Variants in CADPS2 observed in about 807,000 individuals in gnomAD.
CADPS2 encodes the protein calcium dependent secretion activator 2, also known as calcium-dependent secretion activator 2.
In CADPS2, 93 loss-of-function variants were observed where a neutral mutation model predicts 172.5. The ratio of observed to expected loss-of-function variants is 0.54; its 90% CI spans 0.46 to 0.64. The LOEUF (loss-of-function observed/expected upper bound fraction) is 0.64, where lower values mean the gene tolerates loss of function less well. Ranked by LOEUF, CADPS2 falls within the 30% of genes least tolerant of loss-of-function variation. The probability of loss-of-function intolerance (pLI) is 0.00; values close to 1 mark genes in which losing one functional copy is unlikely to be tolerated. For missense variants in CADPS2, 1,420 were observed against 1,565.9 expected (o/e 0.91, Z 1.57); for synonymous variants, 546 against 555.2 (o/e 0.98, Z 0.23).
intron 2 of CADPS2, among the ~76,000 whole-genome samples, chr7:122,675,500 T>G (rs1305851119): frequency 6.6e-6 from 1 of 152,230 alleles, no homozygotes; most frequent in Non-Finnish European, 1.5e-5. Context: ...TTTTAAAAAT[T>G]ATCCAGTCTA....
intron 1 of CADPS2, among the ~76,000 whole-genome samples, chr7:122,869,006 A>C (rs975009653): frequency 6.6e-6 from 1 of 152,162 alleles, no homozygotes; most frequent in African/African-American, 2.4e-5. Context: ...ATCGAATCTG[A>C]GGAGCTAAAT....
chr7:122,372,010 A>C (rs576474079), intron 25 of CADPS2, among the ~76,000 whole-genome samples: 2 of 152,290 alleles, frequency 1.3e-5, no homozygotes, highest in Non-Finnish European at 2.9e-5. Context: ...ATATCAACTA[A>C]TATTTAACAA....
At chr7:122,413,135 G>A (rs972377237) in intron 19 of CADPS2, 4 of 152,408 alleles carry the variant, frequency 2.6e-5, no homozygotes, top group African/African-American at 9.7e-5. Flanking sequence ...AATGGTGTGT[G>A]TGGAGGGGGG....
chr7:122,359,255 G>A lies in CADPS2; in HGVS notation c.3504+1533C>T, dbSNP rs142454421. Reference sequence around the variant, plus strand: ...TATCATGCAGAAGAGAGATTAGAACGAGGATTAATGGGTAAAATTCACAAA... The same window carrying A: ...TATCATGCAGAAGAGAGATTAGAACAAGGATTAATGGGTAAAATTCACAAA... On this transcript the variant is annotated intron_variant, in intron 27 of 29. Coordinates refer to ENST00000449022, the MANE Select transcript of CADPS2 (RefSeq NM_017954.11). 1.7e-3 allele frequency among the ~76,000 whole-genome samples: 252 copies of A among 152,144 alleles called. 2 individuals carry two copies. The highest frequency in any genetic ancestry group is 5.7e-3 in the African/African-American group (237 of 41,544).
chr7:122,664,208 G>A (rs1444333264), intron 2 of CADPS2, among the ~76,000 whole-genome samples: 1 of 152,036 alleles, frequency 6.6e-6, no homozygotes, highest in Non-Finnish European at 1.5e-5. Flanking sequence ...AAGATCAACA[G>A]TAGGGTAAGT....
intron 3 of CADPS2, among the ~76,000 whole-genome samples, chr7:122,651,491 A>C (rs895327374): frequency 1.3e-5 from 2 of 152,190 alleles, no homozygotes; most frequent in South Asian, 4.1e-4. Context: ...TCCAAAGCAA[A>C]AACTTCTAGG....
intron 8 of CADPS2, among the ~76,000 whole-genome samples, chr7:122,524,950 C>T (rs545024202): frequency 1.3e-5 from 2 of 152,102 alleles, no homozygotes; most frequent in African/African-American, 4.8e-5. Flanking sequence ...GGGCTTGAGA[C>T]CAGCCTGGGC....
intron 2 of CADPS2, among the ~76,000 whole-genome samples, chr7:122,731,512 G>A (rs1478392958): frequency 3.3e-5 from 5 of 151,634 alleles, no homozygotes; most frequent in Non-Finnish European, 5.9e-5. Flanking sequence ...ATCAACCTAT[G>A]TTTACCTAAC....
chr7:122,439,366 G>A (rs1045435615), intron 16 of CADPS2: 1 of 152,012 alleles, frequency 6.6e-6, no homozygotes, highest in Non-Finnish European at 1.5e-5. Flanking sequence ...CTTTCATTCA[G>A]ATTACAAAAC....
chr7:122,334,432 G>C (rs1044796096), intron 28 of CADPS2, among the ~76,000 whole-genome samples: 1 of 152,172 alleles, frequency 6.6e-6, no homozygotes, highest in African/African-American at 2.4e-5. Flanking sequence ...TTCTACACTT[G>C]TTGGCTTCGT....
At chr7:122,461,509 T>C (rs543236504) in intron 14 of CADPS2, among the ~76,000 whole-genome samples, 6 of 152,146 alleles carry the variant, frequency 3.9e-5, no homozygotes, top group Admixed American at 1.3e-4. Flanking sequence ...AACAAAAGAA[T>C]CTTTTTTTAA....
intron 1 of CADPS2, among the ~76,000 whole-genome samples, chr7:122,882,222 A>C (rs1823100408): frequency 6.6e-6 from 1 of 152,190 alleles, no homozygotes; most frequent in South Asian, 2.1e-4. Flanking sequence ...TCTCAAACTT[A>C]GAATTATCAC....
intron 17 of CADPS2, chr7:122,436,260 T>C (rs926190011): frequency 1.2e-5 from 7 of 581,576 alleles, no homozygotes; most frequent in South Asian, 8.9e-5. Flanking sequence ...ACATTAAATA[T>C]GTACAGCTTG....
chr7:122,547,966 A>G (rs986810690), intron 8 of CADPS2, among the ~76,000 whole-genome samples: 1 of 152,186 alleles, frequency 6.6e-6, no homozygotes, highest in African/African-American at 2.4e-5. Flanking sequence ...TAATTAGGCT[A>G]ATTATACAAT....
intron 7 of CADPS2, among the ~76,000 whole-genome samples, chr7:122,580,604 T>C (rs915242243): frequency 5.3e-5 from 8 of 152,132 alleles, no homozygotes; most frequent in African/African-American, 1.9e-4. Flanking sequence ...CAGCACAAGC[T>C]GAGTATAGTA....
intron 14 of CADPS2, among the ~76,000 whole-genome samples, chr7:122,459,538 C>G (rs1023204415): frequency 6.6e-6 from 1 of 151,936 alleles, no homozygotes; most frequent in Non-Finnish European, 1.5e-5. Context: ...AGTCTTTATC[C>G]TTTGTTATAA....
At chr7:122,851,259 A>G (rs1302427207) in intron 1 of CADPS2, among the ~76,000 whole-genome samples, 53 of 152,184 alleles carry the variant, frequency 3.5e-4, no homozygotes, top group Non-Finnish European at 1.5e-5. Flanking sequence ...ACTACAGTGC[A>G]GTCCCCAGGG....
intron 10 of CADPS2, 90 bp from the exon 11 acceptor site, chr7:122,490,371 G>A: frequency 1.1e-6 from 1 of 930,762 alleles, no homozygotes. Context: ...GAAAAGAATG[G>A]CTTTGATATT....
At chr7:122,854,620 C>T (rs2141170191) in intron 1 of CADPS2, among the ~76,000 whole-genome samples, 1 of 152,254 alleles carries the variant, frequency 6.6e-6, no homozygotes, top group South Asian at 2.1e-4. Flanking sequence ...AGAGAGGCTC[C>T]CGTGAGCAAC....
Sources: allele counts gnomAD v4.1 joint callset (sites outside exome capture counted in the v4.1 genomes callset), GRCh38; gene constraint gnomAD v4.1.1; transcripts MANE v1.5; gene names NCBI Gene and HGNC (gene_info 2026-07-23, HGNC 2026-07-21).